MMP28: variants seen among roughly 807,000 people sequenced by gnomAD.
MMP28 encodes matrix metalloproteinase-28.
In MMP28, 55 loss-of-function variants were observed where a neutral mutation model predicts 60.5. That is an observed-to-expected ratio of 0.91 (90% CI 0.73 to 1.14). The LOEUF is 1.14. MMP28 is among the 50% of genes most tolerant of loss of function. The probability of loss-of-function intolerance (pLI) is 0.00; values close to 1 mark genes in which losing one functional copy is unlikely to be tolerated. For missense variants in MMP28, 686 were observed against 738.3 expected, an observed-to-expected ratio of 0.93 and a Z score of 0.82; for synonymous variants, 318 against 312.5, an observed-to-expected ratio of 1.02 and a Z score of -0.18.
chr17:35,771,026 C>G (rs1251301706), intron 4 of MMP28, among the ~76,000 whole-genome samples: 1 of 152,108 alleles, frequency 6.6e-6, no homozygotes, highest in Non-Finnish European at 1.5e-5. Context: ...ACACTCCAGC[C>G]TGGGTGACAG....
chr17:35,768,577 C>T (rs958183081), intron 5 of MMP28, among the ~76,000 whole-genome samples, 198 bp from the exon 6 acceptor site: 63 of 152,150 alleles, frequency 4.1e-4, no homozygotes, highest in African/African-American at 1.4e-3. Context: ...TTTGGGAGAC[C>T]GAGGCAGGCA....
chr17:35,789,381 A>C (rs894460922), intron 1 of MMP28, among the ~76,000 whole-genome samples: 2 of 152,218 alleles, frequency 1.3e-5, no homozygotes, highest in Non-Finnish European at 2.9e-5. Context: ...CAGCCAAGTG[A>C]AGGAACTCTA....
At chr17:35,784,857 G>A (rs1555610139) in intron 1 of MMP28, among the ~76,000 whole-genome samples, 1 of 152,178 alleles carries the variant, frequency 6.6e-6, no homozygotes, top group East Asian at 1.9e-4. Flanking sequence ...TCCTGGCCTT[G>A]AAGTTCAAGG....
chr17:35,792,491 T>C (rs62078171), intron 1 of MMP28, among the ~76,000 whole-genome samples: 2 of 152,206 alleles, frequency 1.3e-5, no homozygotes, highest in African/African-American at 2.4e-5. Flanking sequence ...CACTGTAGAA[T>C]GGAGACAAGC....
chr17:35,778,120 CT>C (rs1035547272), intron 3 of MMP28, among the ~76,000 whole-genome samples: 12 of 152,058 alleles, frequency 7.9e-5, no homozygotes, highest in Non-Finnish European at 1.3e-4. Context: ...CATTTAACCC[CT>C]GGAATATTAA....
At chr17:35,781,633 T>A (rs949277588) in intron 1 of MMP28, among the ~76,000 whole-genome samples, 3 of 152,202 alleles carry the variant, frequency 2.0e-5, no homozygotes, top group African/African-American at 7.2e-5. Context: ...GACGATGCAC[T>A]TGGCTCCCTG....
intron 1 of MMP28, among the ~76,000 whole-genome samples, chr17:35,790,981 C>T (rs765117973): frequency 3.3e-5 from 5 of 151,076 alleles, no homozygotes; most frequent in Admixed American, 6.6e-5. Context: ...CCTCCAGCCC[C>T]GGCCTCCCAA....
chr17:35,764,557 T>C, downstream of MMP28: 1 of 1,596,232 alleles, frequency 6.3e-7, no homozygotes, highest in Non-Finnish European at 8.5e-7. Context: ...CCAGCCTATG[T>C]GGCGCACTGC....
chr17:35,773,211 G>GT lies in MMP28; in HGVS notation c.572dup (p.Asn191LysfsTer9). 1 of 1,614,012 alleles carries GT rather than the reference G, an allele frequency of 6.2e-7. No homozygotes were observed. Among genetic ancestry groups the GT allele is most frequent in the Non-Finnish European group, 8.5e-7 (1 of 1,179,884 alleles). On this transcript the variant is annotated frameshift_variant, in exon 4 of 8. Transcript: ENST00000605424. LOFTEE classifies it high-confidence loss of function. Reference sequence around the variant, plus strand: ...CATCAAAGGCATTGCCCAGCCCATCGTTGTGGTCCCCTTGGAAGAAGGTGA... The same window carrying GT: ...CATCAAAGGCATTGCCCAGCCCATCGTTTGTGGTCCCCTTGGAAGAAGGTGA...
intron 4 of MMP28, 105 bp downstream of exon 4, chr17:35,773,075 C>T: frequency 5.8e-6 from 6 of 1,028,386 alleles, no homozygotes; most frequent in Non-Finnish European, 5.6e-6. Flanking sequence ...AGATGTGCCT[C>T]AGCCAAGGCC....
At chr17:35,771,748 TATATATAA>T (rs1246530910) in intron 4 of MMP28, among the ~76,000 whole-genome samples, 26 of 91,890 alleles carry the variant, frequency 2.8e-4, no homozygotes, top group South Asian at 7.1e-4. Context: ...TATATATATA[TATATATAA>T]AATTGTGTTC....
intron 1 of MMP28, among the ~76,000 whole-genome samples, chr17:35,793,969 A>G (rs1343950941): frequency 6.6e-6 from 1 of 152,116 alleles, no homozygotes; most frequent in South Asian, 2.1e-4. Flanking sequence ...ATGATCGTGC[A>G]TGCCTATAAT....
At chr17:35,789,710 T>C (rs2086753182) in intron 1 of MMP28, among the ~76,000 whole-genome samples, 1 of 152,168 alleles carries the variant, frequency 6.6e-6, no homozygotes, top group African/African-American at 2.4e-5. Flanking sequence ...GTCTTATTGT[T>C]ACTGATTTTA....
In MMP28 at chr17:35,779,394, G is replaced by A. The variant is rs146569468; in HGVS notation, c.112-71C>T. 83 of 1,268,674 alleles carry A rather than the reference G, an allele frequency of 6.5e-5. No individual in the cohort carries two copies. The East Asian group carries it at 1.9e-3, about 29-fold the overall frequency. The allele number at this position is 1,268,674 out of a possible 1,614,324, so 78.6% of individuals were successfully genotyped here. A position where few individuals can be genotyped will look rare whatever the true frequency, so the allele number is the denominator to read the frequency against. ...CTCCCTTGGTCCCCAAGGGCCCAGG[G>A]CACATACATCCTGCCCAGTCTCACC... On this transcript the variant is annotated intron_variant, in intron 1 of 7. Transcript: ENST00000605424.
intron 1 of MMP28, among the ~76,000 whole-genome samples, chr17:35,786,699 CAAAA>C (rs200165337): frequency 0.045 from 3,205 of 71,064 alleles, 125 homozygotes; most frequent in East Asian, 0.17. Flanking sequence ...CCTGTCTCTA[CAAAA>C]AAAAAAAAAA....
downstream of MMP28, chr17:35,764,310 C>T (rs1307717038): frequency 2.7e-6 from 4 of 1,490,062 alleles, no homozygotes; most frequent in African/African-American, 2.9e-5. Flanking sequence ...GGCGGCCTAA[C>T]AGCTCCCACC....
intron 1 of MMP28, among the ~76,000 whole-genome samples, chr17:35,781,707 G>T (rs1003768864): frequency 3.3e-5 from 5 of 152,266 alleles, no homozygotes; most frequent in Non-Finnish European, 1.5e-5. Flanking sequence ...TGTTGCCTCA[G>T]CTGCATAATT....
chr17:35,790,027 G>A (rs186422847), intron 1 of MMP28, among the ~76,000 whole-genome samples: 131 of 143,002 alleles, frequency 9.2e-4, no homozygotes, highest in African/African-American at 3.1e-3. Context: ...CTCCCAAAGT[G>A]CTGGGATTAC....
downstream of MMP28, chr17:35,763,897 AAAATAAAT>A (rs35027942): frequency 6.3e-3 from 4,100 of 654,224 alleles, 85 homozygotes; most frequent in African/African-American, 0.053. Context: ...ACCCTGTCTC[AAAATAAAT>A]AAATAAATAA....
Sources: gnomAD v4.1 joint callset for allele counts (sites outside exome capture counted in the v4.1 genomes callset) on GRCh38, gnomAD v4.1.1 for gene constraint, MANE v1.5 for transcripts, NCBI Gene and HGNC (gene_info 2026-07-23, HGNC 2026-07-21) for gene names.